Variants in CADPS2 observed in about 807,000 individuals in gnomAD.
CADPS2 encodes the protein calcium-dependent secretion activator 2.
In CADPS2, 93 loss-of-function variants were observed where a neutral mutation model predicts 172.5. The ratio of observed to expected loss-of-function variants is 0.54; its 90% CI spans 0.46 to 0.64. CADPS2 has a LOEUF of 0.64. Ranked by LOEUF, CADPS2 falls within the 30% of genes least tolerant of loss-of-function variation. CADPS2 has a pLI of 0.00. For missense variants in CADPS2, 1,420 were observed against 1,565.9 expected (o/e 0.91, Z 1.57); for synonymous variants, 546 against 555.2 (o/e 0.98, Z 0.23).
intron 2 of CADPS2, among the ~76,000 whole-genome samples, chr7:122,701,030 AT>A (rs1318334831): frequency 2.1e-4 from 32 of 152,310 alleles, no homozygotes; most frequent in African/African-American, 7.5e-4. Context: ...GATATAAATT[AT>A]TAGATACCAA....
Sources: gnomAD v4.1 joint callset for allele counts (sites outside exome capture counted in the v4.1 genomes callset) on GRCh38, gnomAD v4.1.1 for gene constraint, MANE v1.5 for transcripts, NCBI Gene and HGNC (gene_info 2026-07-23, HGNC 2026-07-21) for gene names.